SERTM2: variants seen among roughly 807,000 people sequenced by gnomAD.
The protein encoded by SERTM2 is serine rich and transmembrane domain containing 2.
At position 111,521,917 on chromosome X, in the gene SERTM2, CA is replaced by C. The variant is rs1930418795; in HGVS notation, c.*2789del. ...TCTCCTAATATGTTTAAAAAGAATC[CA>C]ATTTTTTAAAATATATTTTGCATAT... On this transcript the variant is annotated 3_prime_UTR_variant, in exon 3 of 3. Coordinates refer to ENST00000569275, the MANE Select transcript of SERTM2 (RefSeq NM_001354473.2). 1.8e-5 allele frequency: 2 copies of C among 111,556 alleles called. No individual in the cohort carries two copies. Among genetic ancestry groups the C allele is most frequent in the Admixed American group, 1.9e-4 (2 of 10,480 alleles). 9.2% of individuals were successfully genotyped at this position (111,556 alleles called of 1,213,427 possible). A position where few individuals can be genotyped will look rare whatever the true frequency, so the allele number is the denominator to read the frequency against.
rs1930236158 is a variant in SERTM2 at position 111,512,081 on chromosome X, G to C, written c.-797G>C. On this transcript the variant is annotated 5_prime_UTR_variant, in exon 2 of 3. Coordinates refer to ENST00000569275, the MANE Select transcript of SERTM2 (RefSeq NM_001354473.2). ...TTAAGTGACCAATCCTATTCATACTGTGGGCCAGGAGAGGTAAGAAATATT... is the reference window on the plus strand; with the variant it reads ...TTAAGTGACCAATCCTATTCATACTCTGGGCCAGGAGAGGTAAGAAATATT... The C allele has an allele frequency of 6.8e-6, 2 of 294,372 alleles. No individual in the cohort carries two copies. The highest frequency in any genetic ancestry group is 1.2e-5 in the Non-Finnish European group (2 of 168,913). 24.3% of individuals were successfully genotyped at this position (294,372 alleles called of 1,213,427 possible).
rs1930356161 is a variant in SERTM2 at position 111,518,522 on chromosome X, T to C, written c.-336T>C. Reference sequence around the variant, plus strand: ...AAAGATTCTTGTTCTAATAACAGTATTATAAAGCAGTTTCACCCATATTTA... The same window carrying C: ...AAAGATTCTTGTTCTAATAACAGTACTATAAAGCAGTTTCACCCATATTTA... On this transcript the variant is annotated 5_prime_UTR_variant, in exon 3 of 3. Transcript: ENST00000569275. The C allele has an allele frequency of 5.2e-6, 1 of 193,426 alleles. No homozygotes were observed. Among genetic ancestry groups the C allele is most frequent in the Admixed American group, 7.5e-5 (1 of 13,253 alleles). 15.9% of individuals were successfully genotyped at this position (193,426 alleles called of 1,213,427 possible).
At chrX:111,517,089 G>A (rs1386596924) in intron 2 of SERTM2, among the ~76,000 whole-genome samples, 3 of 111,455 alleles carry the variant, frequency 2.7e-5, no homozygotes, top group Non-Finnish European at 3.8e-5. Flanking sequence ...CTTTACCAAC[G>A]ATAAAGCATG....
At position 111,518,634 on chromosome X, in the gene SERTM2, T is replaced by C. The variant is rs745758543; in HGVS notation, c.-224T>C. ...GATTAAGAAGCTCTGATAAAACCTA[T>C]TGGAGGGGCGATTGCTGTGCTGAAG... On this transcript the variant is annotated 5_prime_UTR_variant, in exon 3 of 3. Coordinates refer to ENST00000569275, the MANE Select transcript of SERTM2 (RefSeq NM_001354473.2). 1 of 288,953 alleles carries C rather than the reference T, an allele frequency of 3.5e-6. No homozygotes were observed. Among genetic ancestry groups the C allele is most frequent in the Admixed American group, 6.2e-5 (1 of 16,035 alleles). 23.8% of individuals were successfully genotyped at this position (288,953 alleles called of 1,213,427 possible). A position where few individuals can be genotyped will look rare whatever the true frequency, so the allele number is the denominator to read the frequency against.
chrX:111,519,106 G>T lies in SERTM2; in HGVS notation c.249G>T (p.Met83Ile), dbSNP rs1203150528. The change falls in exon 3 of 3, where the codon ATG (methionine) becomes ATT (isoleucine). Residue 83 changes from methionine to isoleucine, a missense_variant. Met to Ile is a conservative substitution (Grantham distance 10, BLOSUM62 1). Transcript: ENST00000569275. ...TTCCTCAGTTCACAGATGTAGAGAT[G>T]CAGAGTCGAATCCCCACTCCCTAAA... Reference protein sequence around the residue: ...ESVPQFTDVEMQSRIPTP With the variant: ...ESVPQFTDVEIQSRIPTP 1 of 295,436 alleles carries T rather than the reference G, an allele frequency of 3.4e-6. No homozygotes were observed. The highest frequency in any genetic ancestry group is 2.8e-5 in the African/African-American group (1 of 36,300). 24.3% of individuals were successfully genotyped at this position (295,436 alleles called of 1,213,427 possible). A position where few individuals can be genotyped will look rare whatever the true frequency, so the allele number is the denominator to read the frequency against.
chrX:111,514,289 A>T (rs746494743), intron 2 of SERTM2, among the ~76,000 whole-genome samples: 1 of 111,860 alleles, frequency 8.9e-6, no homozygotes, highest in African/African-American at 3.2e-5. Flanking sequence ...CCATGCATTT[A>T]TTCAATAATT....
chrX:111,515,718 G>A (rs1056117980), intron 2 of SERTM2, among the ~76,000 whole-genome samples: 1 of 111,453 alleles, frequency 9.0e-6, no homozygotes, highest in African/African-American at 3.3e-5. Context: ...TCCCTGAAGA[G>A]TGTGCTTAGA....
At chrX:111,512,272 C>T (rs1020458128) in intron 2 of SERTM2, among the ~76,000 whole-genome samples, 178 bp downstream of exon 2, 2 of 112,114 alleles carry the variant, frequency 1.8e-5, no homozygotes, top group Non-Finnish European at 3.8e-5. Flanking sequence ...CTGCTGGAAT[C>T]GTTTTTTCAC....
intron 1 of SERTM2, 76 bp from the exon 2 acceptor site, chrX:111,511,922 A>T (rs1930233723): frequency 3.4e-6 from 1 of 293,494 alleles, no homozygotes. Context: ...CTTTAGGAAG[A>T]TGAAAGAGAA....
At chrX:111,513,274 CCTTT>C (rs1569502734) in intron 2 of SERTM2, among the ~76,000 whole-genome samples, 1 of 109,903 alleles carries the variant, frequency 9.1e-6, no homozygotes, top group African/African-American at 3.3e-5. Context: ...CCTCTATCTT[CCTTT>C]CTTTCTTTCC....
chrX:111,513,832 G>T (rs1417023555), intron 2 of SERTM2, among the ~76,000 whole-genome samples: 2 of 111,377 alleles, frequency 1.8e-5, no homozygotes, highest in African/African-American at 3.3e-5. Flanking sequence ...AATTGACAAG[G>T]TTAGCTGAGA....
intron 2 of SERTM2, 67 bp downstream of exon 2, chrX:111,512,161 G>A (rs1002819624): frequency 6.7e-5 from 19 of 284,466 alleles, no homozygotes; most frequent in Middle Eastern, 1.9e-3. Context: ...TTTATTTATC[G>A]GCAGGTGTGA....
intron 2 of SERTM2, among the ~76,000 whole-genome samples, chrX:111,516,730 T>C (rs1930319374): frequency 9.0e-6 from 1 of 111,355 alleles, no homozygotes; most frequent in Non-Finnish European, 1.9e-5. Context: ...ATATGGATTA[T>C]GGAAAGTATA....
At chrX:111,515,086 G>T (rs1298545510) in intron 2 of SERTM2, among the ~76,000 whole-genome samples, 1 of 110,800 alleles carries the variant, frequency 9.0e-6, no homozygotes, top group Non-Finnish European at 1.9e-5. Flanking sequence ...GTCCATGGGT[G>T]TTCAATATAT....
intron 2 of SERTM2, among the ~76,000 whole-genome samples, chrX:111,512,494 G>A (rs1930245505): frequency 8.9e-6 from 1 of 111,751 alleles, no homozygotes; most frequent in African/African-American, 3.2e-5. Flanking sequence ...GCAGAAAAAT[G>A]TAAAATTACC....
At chrX:111,516,694 A>G (rs1930318301) in intron 2 of SERTM2, among the ~76,000 whole-genome samples, 1 of 111,231 alleles carries the variant, frequency 9.0e-6, no homozygotes, top group African/African-American at 3.3e-5. Context: ...GGGCAATAGG[A>G]ACAGTAAGCA....
chrX:111,517,426 ATCTC>A (rs1392540949), intron 2 of SERTM2, among the ~76,000 whole-genome samples: 2 of 110,929 alleles, frequency 1.8e-5, no homozygotes, highest in Admixed American at 9.6e-5. Flanking sequence ...CTTTTCTTCT[ATCTC>A]TCTTATTTAG....
Position 111,521,322 on chromosome X carries a change from C to G in SERTM2, c.*2192C>G, listed in dbSNP as rs1205112977. On this transcript the variant is annotated 3_prime_UTR_variant, in exon 3 of 3. Coordinates refer to ENST00000569275, the MANE Select transcript of SERTM2 (RefSeq NM_001354473.2). Reference sequence around the variant, plus strand: ...ATCAACCTCTTTCATCACAACTACCCCATGGGGATCCAGCTCGTCACTGAG... The same window carrying G: ...ATCAACCTCTTTCATCACAACTACCGCATGGGGATCCAGCTCGTCACTGAG... 9.0e-6 allele frequency: 1 copy of G among 110,971 alleles called. No homozygotes were observed. The highest frequency in any genetic ancestry group is 3.3e-5 in the African/African-American group (1 of 30,455). The allele number at this position is 110,971 out of a possible 1,213,427, so 9.1% of individuals were successfully genotyped here. A position where few individuals can be genotyped will look rare whatever the true frequency, so the allele number is the denominator to read the frequency against.
chrX:111,514,763 G>T (rs1421328879), intron 2 of SERTM2, among the ~76,000 whole-genome samples: 2 of 111,437 alleles, frequency 1.8e-5, no homozygotes, highest in Non-Finnish European at 3.8e-5. Context: ...CATTCCACTA[G>T]ACTAGTTATA....
Sources: gnomAD v4.1 joint callset for allele counts (sites outside exome capture counted in the v4.1 genomes callset) on GRCh38, gnomAD v4.1.1 for gene constraint, MANE v1.5 for transcripts, NCBI Gene and HGNC (gene_info 2026-07-23, HGNC 2026-07-21) for gene names.